The following MSRB3 variants were observed in gnomAD, a reference collection of about 807,000 sequenced individuals.
The protein encoded by MSRB3 is methionine sulfoxide reductase B3.
MSRB3 carries 13 observed loss-of-function variants against 21.0 expected under a neutral mutation model. The observed-to-expected ratio is 0.62, with a 90% CI of 0.40 to 0.98. The LOEUF (loss-of-function observed/expected upper bound fraction) is 0.98. Among genes scored for constraint, MSRB3 ranks in the 50% least tolerant of loss-of-function variants. MSRB3 has a pLI of 0.00. For missense variants in MSRB3, 199 were observed against 230.3 expected, an observed-to-expected ratio of 0.86 and a Z score of 0.88; for synonymous variants, 87 against 88.6, an observed-to-expected ratio of 0.98 and a Z score of 0.10.
chr12:65,408,348 C>T (rs1880531494), intron 5 of MSRB3, among the ~76,000 whole-genome samples: 1 of 152,188 alleles, frequency 6.6e-6, no homozygotes, highest in Non-Finnish European at 1.5e-5. Flanking sequence ...CCACCTCAGC[C>T]TCCCAAAGTG....
At chr12:65,311,554 A>C (rs1248133277) in intron 2 of MSRB3, among the ~76,000 whole-genome samples, 1 of 152,078 alleles carries the variant, frequency 6.6e-6, no homozygotes, top group Non-Finnish European at 1.5e-5. Flanking sequence ...AATTTTGAAA[A>C]ATAAAGATGA....
intron 2 of MSRB3, among the ~76,000 whole-genome samples, chr12:65,311,467 C>T (rs1282991442): frequency 6.6e-6 from 1 of 152,024 alleles, no homozygotes; most frequent in Non-Finnish European, 1.5e-5. Flanking sequence ...TCATCAATTT[C>T]TCTAACAGGA....
chr12:65,345,132 T>G (rs1463139629), intron 4 of MSRB3, among the ~76,000 whole-genome samples: 1 of 152,044 alleles, frequency 6.6e-6, no homozygotes, highest in African/African-American at 2.4e-5. Flanking sequence ...AATTTGATGT[T>G]TAAAACCTAG....
chr12:65,326,571 T>G (rs1451925198), intron 2 of MSRB3, among the ~76,000 whole-genome samples: 1 of 152,186 alleles, frequency 6.6e-6, no homozygotes, highest in Non-Finnish European at 1.5e-5. Flanking sequence ...ATCAGTGAAT[T>G]TTTAGTATCA....
chr12:65,343,563 G>A (rs181072638), intron 4 of MSRB3, among the ~76,000 whole-genome samples: 1 of 152,158 alleles, frequency 6.6e-6, no homozygotes, highest in East Asian at 1.9e-4. Flanking sequence ...ATATTTTAAA[G>A]CCACCATTGG....
chr12:65,349,762 T>C (rs1385258271), intron 4 of MSRB3, among the ~76,000 whole-genome samples: 1 of 151,046 alleles, frequency 6.6e-6, no homozygotes, highest in Non-Finnish European at 1.5e-5. Flanking sequence ...GGTTGTTTGT[T>C]TTTTTCTTGT....
chr12:65,429,036 T>A (rs1357961252), intron 5 of MSRB3, among the ~76,000 whole-genome samples: 1 of 152,184 alleles, frequency 6.6e-6, no homozygotes, highest in African/African-American at 2.4e-5. Flanking sequence ...GTTTTACCCT[T>A]GGCCTCTAGT....
intron 5 of MSRB3, among the ~76,000 whole-genome samples, chr12:65,377,181 T>C (rs987969043): frequency 6.6e-5 from 10 of 152,240 alleles, no homozygotes; most frequent in African/African-American, 1.9e-4. Flanking sequence ...GTAGCACTTA[T>C]CATCTGCAGT....
chr12:65,278,811 C>G lies in MSRB3; in HGVS notation c.-106C>G, dbSNP rs967639631. 1 of 1,571,422 alleles carries G rather than the reference C, an allele frequency of 6.4e-7. No homozygotes were observed. Among genetic ancestry groups the G allele is most frequent in the Non-Finnish European group, 8.6e-7 (1 of 1,158,614 alleles). ...CCTCCCGCGCCCCCTCTCGCTCTGC[C>G]TCTCCCTCTGCCTCTGCCTCTGCCT... On this transcript the variant is annotated 5_prime_UTR_variant, in exon 1 of 7. Coordinates refer to ENST00000308259, the MANE Select transcript of MSRB3 (RefSeq NM_001031679.3).
intron 2 of MSRB3, among the ~76,000 whole-genome samples, chr12:65,320,532 T>C (rs892533067): frequency 1.3e-5 from 2 of 152,100 alleles, no homozygotes; most frequent in Non-Finnish European, 2.9e-5. Flanking sequence ...CCAAAATTCA[T>C]CACCAGAAAC....
chr12:65,347,993 T>C (rs1286302449), intron 4 of MSRB3, among the ~76,000 whole-genome samples: 1 of 152,184 alleles, frequency 6.6e-6, no homozygotes, highest in Non-Finnish European at 1.5e-5. Context: ...TTGCCAGTAT[T>C]TTACTGAGGA....
intron 5 of MSRB3, among the ~76,000 whole-genome samples, chr12:65,434,032 A>T (rs1353976188): frequency 3.9e-5 from 6 of 151,932 alleles, no homozygotes; most frequent in Non-Finnish European, 7.4e-5. Context: ...AGTGTGAACA[A>T]ATTACCCTTG....
At chr12:65,368,594 G>A (rs1371091014) in intron 4 of MSRB3, among the ~76,000 whole-genome samples, 1 of 152,160 alleles carries the variant, frequency 6.6e-6, no homozygotes, top group Non-Finnish European at 1.5e-5. Flanking sequence ...TAAGAACTTA[G>A]TGAAAAGTTA....
intron 5 of MSRB3, among the ~76,000 whole-genome samples, chr12:65,439,219 T>C (rs1882259109): frequency 6.6e-6 from 1 of 151,704 alleles, no homozygotes; most frequent in South Asian, 2.1e-4. Flanking sequence ...AAAGGTACTA[T>C]TCATGAAGAG....
intron 6 of MSRB3, 64 bp from the exon 7 acceptor site, chr12:65,463,091 G>A (rs1883402262): frequency 2.5e-6 from 4 of 1,598,732 alleles, no homozygotes; most frequent in Middle Eastern, 2.1e-4. Flanking sequence ...ACTGCTTAAT[G>A]TGAATTCCTC....
chr12:65,313,719 C>T (rs2136430562), intron 2 of MSRB3, among the ~76,000 whole-genome samples: 1 of 152,204 alleles, frequency 6.6e-6, no homozygotes, highest in South Asian at 2.1e-4. Flanking sequence ...CCTCAGTTCT[C>T]CAGTTTCACC....
intron 4 of MSRB3, among the ~76,000 whole-genome samples, chr12:65,350,722 T>C (rs1383404686): frequency 2.0e-4 from 27 of 133,674 alleles, no homozygotes; most frequent in African/African-American, 6.9e-4. Context: ...AGAAGGCCAT[T>C]ACATAATGGT....
intron 5 of MSRB3, among the ~76,000 whole-genome samples, chr12:65,428,358 T>G (rs180862348): frequency 6.6e-6 from 1 of 152,282 alleles, no homozygotes; most frequent in East Asian, 1.9e-4. Context: ...AAATAGGATC[T>G]TGGGGACTCT....
intron 5 of MSRB3, among the ~76,000 whole-genome samples, chr12:65,440,625 T>C (rs1018003411): frequency 6.6e-6 from 1 of 152,038 alleles, no homozygotes; most frequent in Non-Finnish European, 1.5e-5. Context: ...TTTATGTTTG[T>C]GGATGCTGAC....
Sources: allele counts gnomAD v4.1 joint callset (sites outside exome capture counted in the v4.1 genomes callset), GRCh38; gene constraint gnomAD v4.1.1; transcripts MANE v1.5; gene names NCBI Gene and HGNC (gene_info 2026-07-23, HGNC 2026-07-21).